Variants in CWF19L2 observed in about 807,000 individuals in gnomAD.
CWF19L2 encodes CWF19 like cell cycle control factor 2.
In CWF19L2, 98 loss-of-function variants were observed where a neutral mutation model predicts 111.7. That is an observed-to-expected ratio of 0.88 (90% CI 0.75 to 1.04). The LOEUF (loss-of-function observed/expected upper bound fraction) is 1.04, where lower values mean the gene tolerates loss of function less well. Ranked by LOEUF, CWF19L2 falls within the 50% of genes least tolerant of loss-of-function variation. The pLI is 0.00. For synonymous variants in CWF19L2, 351 were observed against 342.9 expected, an observed-to-expected ratio of 1.02 and a Z score of -0.26; for missense variants, 1,101 against 1,051.4, an observed-to-expected ratio of 1.05 and a Z score of -0.65.
At position 107,383,733 on chromosome 11, in the gene CWF19L2, G is replaced by A. The variant is rs370822514; in HGVS notation, c.1872+6341C>T. Among the ~76,000 whole-genome samples the A allele has an allele frequency of 9.9e-5, 15 of 152,006 alleles. No homozygotes were observed. In the East Asian group the frequency reaches 1.5e-3, roughly 16 times the overall value. On this transcript the variant is annotated intron_variant, in intron 12 of 17. Transcript: ENST00000282251. ...ATTTTGGAAATGCAAGAAAAGAATG[G>A]GCAATAAAAATTAAATAAACAAATA...
intron 10 of CWF19L2, among the ~76,000 whole-genome samples, chr11:107,407,673 TG>T (rs1861099720): frequency 6.6e-6 from 1 of 152,034 alleles, no homozygotes; most frequent in Non-Finnish European, 1.5e-5. Context: ...CAATTAGTTG[TG>T]GCTTCAGTAT....
chr11:107,388,744 G>A (rs528814846), intron 12 of CWF19L2, among the ~76,000 whole-genome samples: 79 of 152,104 alleles, frequency 5.2e-4, no homozygotes, highest in African/African-American at 1.8e-3. Flanking sequence ...AAACTTGAAC[G>A]GTTTATAAGA....
rs1860189016 is a variant in CWF19L2, at chr11:107,353,581, C to G, written c.2028G>C (p.Leu676=). Residue 676 remains leucine (L), a synonymous_variant, in exon 13 of 18, where the codon CTG becomes CTC. Coordinates refer to ENST00000282251, the MANE Select transcript of CWF19L2 (RefSeq NM_152434.3). Reference sequence around the variant, plus strand: ...GAAATTGAGAGCTGTCAAAACAATACAGACATTTTTCCATTTGTGCAGCAA... The same window carrying G: ...GAAATTGAGAGCTGTCAAAACAATAGAGACATTTTTCCATTTGTGCAGCAA... ...RSLAAQMEKC[L]YCFDSSQFPK... is the part of the protein sequence containing the mutation. 1 of 1,613,624 alleles carries G rather than the reference C, an allele frequency of 6.2e-7. No individual in the cohort carries two copies. The highest frequency in any genetic ancestry group is 1.1e-5 in the South Asian group (1 of 91,080).
chr11:107,373,319 G>A (rs1591169822), intron 12 of CWF19L2, among the ~76,000 whole-genome samples: 2 of 129,608 alleles, frequency 1.5e-5, no homozygotes, highest in African/African-American at 6.5e-5. Flanking sequence ...CTGGGGGCAG[G>A]GCACAGACAA....
intron 3 of CWF19L2, among the ~76,000 whole-genome samples, chr11:107,451,142 G>A (rs1051797507): frequency 6.6e-6 from 1 of 151,702 alleles, no homozygotes; most frequent in Non-Finnish European, 1.5e-5. Context: ...ATTATACAGA[G>A]TATAACATAA....
At chr11:107,393,605 T>C (rs1191753973) in intron 10 of CWF19L2, among the ~76,000 whole-genome samples, 3 of 152,202 alleles carry the variant, frequency 2.0e-5, no homozygotes, top group Admixed American at 2.0e-4. Context: ...CCAGCACTAT[T>C]CACACAATTG....
Position 107,355,399 on chromosome 11 carries a change from G to A in CWF19L2, c.1873-1663C>T, listed in dbSNP as rs112185741. Among the ~76,000 whole-genome samples the A allele has an allele frequency of 4.7e-3, 677 of 142,674 alleles. 3 individuals are homozygous for A. Among genetic ancestry groups the A allele is most frequent in the African/African-American group, 0.017 (647 of 38,256 alleles). 93.6% of individuals were successfully genotyped at this position (142,674 alleles called of 152,430 possible). On this transcript the variant is annotated intron_variant, in intron 12 of 17. Coordinates refer to ENST00000282251, the MANE Select transcript of CWF19L2 (RefSeq NM_152434.3). ...CACTGCACTCTAGACTGGGCGACAAGAGCGAAACTCCGTCTCAAAAAAAAA... is the reference window on the plus strand; with the variant it reads ...CACTGCACTCTAGACTGGGCGACAAAAGCGAAACTCCGTCTCAAAAAAAAA...
chr11:107,439,284 G>T, intron 5 of CWF19L2, 101 bp from the exon 6 acceptor site: 3 of 674,286 alleles, frequency 4.4e-6, no homozygotes, highest in Non-Finnish European at 5.1e-6. Flanking sequence ...TCATAACCCT[G>T]GACAAATCAT....
chr11:107,447,953 A>C (rs1036874112), intron 3 of CWF19L2, among the ~76,000 whole-genome samples: 1 of 152,206 alleles, frequency 6.6e-6, no homozygotes, highest in African/African-American at 2.4e-5. Flanking sequence ...AAAACATTAG[A>C]AAGATCCAAA....
At chr11:107,447,728 C>T (rs1005840185) in intron 3 of CWF19L2, among the ~76,000 whole-genome samples, 1 of 152,104 alleles carries the variant, frequency 6.6e-6, no homozygotes, top group East Asian at 1.9e-4. Flanking sequence ...CCAGCAGTCA[C>T]AATATAAGTT....
intron 10 of CWF19L2, among the ~76,000 whole-genome samples, chr11:107,405,344 T>C (rs1861061169): frequency 6.6e-6 from 1 of 152,194 alleles, no homozygotes; most frequent in African/African-American, 2.4e-5. Context: ...CAATCTTGGT[T>C]CTATACTATT....
rs113524595 is a variant in CWF19L2, at chr11:107,441,937, C to A, written c.451-315G>T. On this transcript the variant is annotated intron_variant, in intron 4 of 17. Transcript: ENST00000282251. ...TCAAACTTAGTTCCTGTTCACCTTTCTTCCTTCACCTGTGGCTAACAGTGG... is the reference window on the plus strand; with the variant it reads ...TCAAACTTAGTTCCTGTTCACCTTTATTCCTTCACCTGTGGCTAACAGTGG... Among the ~76,000 whole-genome samples the A allele has an allele frequency of 2.6e-4, 39 of 152,328 alleles. 2 individuals carry two copies. The highest frequency in any genetic ancestry group is 9.4e-4 in the African/African-American group (39 of 41,578).
At chr11:107,362,615 G>C (rs1360288290) in intron 12 of CWF19L2, among the ~76,000 whole-genome samples, 14 of 149,858 alleles carry the variant, frequency 9.3e-5, no homozygotes, top group Middle Eastern at 3.2e-3. Flanking sequence ...TGAGGGTCCT[G>C]TCTGTTAGAA....
At position 107,387,467 on chromosome 11, in the gene CWF19L2, C is replaced by CA. The variant is rs996753060; in HGVS notation, c.1872+2606dup. On this transcript the variant is annotated intron_variant, in intron 12 of 17. Transcript: ENST00000282251. ...AAAAACAAAACAAAACAAAACAAAA[C>CA]AAAAAACAAAAAAAACCTTCAAATG... 2.6e-3 allele frequency among the ~76,000 whole-genome samples: 342 copies of CA among 129,336 alleles called. 1 individual carries two copies. Among genetic ancestry groups the CA allele is most frequent in the African/African-American group, 7.3e-3 (261 of 35,982 alleles). 84.8% of individuals were successfully genotyped at this position (129,336 alleles called of 152,430 possible).
chr11:107,378,075 T>C (rs1860621274), intron 12 of CWF19L2, among the ~76,000 whole-genome samples: 2 of 151,356 alleles, frequency 1.3e-5, no homozygotes, highest in African/African-American at 4.9e-5. Flanking sequence ...AGATACCATC[T>C]CACAGCAGTT....
intron 10 of CWF19L2, among the ~76,000 whole-genome samples, 175 bp from the exon 11 acceptor site, chr11:107,393,070 G>C (rs1177046316): frequency 6.6e-6 from 1 of 151,958 alleles, no homozygotes; most frequent in Admixed American, 6.5e-5. Flanking sequence ...TAATCTTTTG[G>C]GGAAAGGGTA....
At chr11:107,374,847 A>C (rs1226266061) in intron 12 of CWF19L2, among the ~76,000 whole-genome samples, 325 of 150,840 alleles carry the variant, frequency 2.2e-3, no homozygotes, top group Middle Eastern at 0.014. Flanking sequence ...AGAGTCAAGA[A>C]CCATCAGTGT....
chr11:107,445,238 A>G (rs537563), intron 3 of CWF19L2, among the ~76,000 whole-genome samples: 27,106 of 152,144 alleles, frequency 0.18, 2,603 homozygotes, highest in Middle Eastern at 0.27. Flanking sequence ...TCCTTTTTGC[A>G]AAATCCAATT....
intron 10 of CWF19L2, among the ~76,000 whole-genome samples, chr11:107,407,443 C>T (rs1283720615): frequency 1.3e-5 from 2 of 151,706 alleles, no homozygotes; most frequent in African/African-American, 4.8e-5. Flanking sequence ...TGAATTCATC[C>T]GTCCAAGACA....
Sources: allele counts gnomAD v4.1 joint callset (sites outside exome capture counted in the v4.1 genomes callset), GRCh38; gene constraint gnomAD v4.1.1; transcripts MANE v1.5; gene names NCBI Gene and HGNC (gene_info 2026-07-23, HGNC 2026-07-21).